The following KCNIP1 variants were observed in gnomAD, a reference collection of about 807,000 sequenced individuals.
The protein encoded by KCNIP1 is A-type potassium channel modulatory protein KCNIP1.
In KCNIP1, 18 loss-of-function variants were observed where a neutral mutation model predicts 33.0. The ratio of observed to expected loss-of-function variants is 0.55; its 90% confidence interval spans 0.38 to 0.81. KCNIP1 has a LOEUF of 0.81. Ranked by LOEUF, KCNIP1 falls within the 30% of genes least tolerant of loss-of-function variation. The pLI is 0.00. For missense variants in KCNIP1, 238 were observed against 271.6 expected, an observed-to-expected ratio of 0.88 and a Z score of 0.87; for synonymous variants, 93 against 98.3, an observed-to-expected ratio of 0.95 and a Z score of 0.32.
rs114324196 is a variant in KCNIP1 at position 170,520,396 on chromosome 5, G to T, written c.61+15763G>T. Among the ~76,000 whole-genome samples the T allele has an allele frequency of 7.1e-3, 1,083 of 152,270 alleles. 17 individuals carry two copies. Among genetic ancestry groups the T allele is most frequent in the African/African-American group, 0.025 (1,052 of 41,548 alleles). On this transcript the variant is annotated intron_variant, in intron 1 of 7. Transcript: ENST00000328939. Reference sequence around the variant, plus strand: ...TAGTATTAGCTCAATCTGACCCTTGGGGAAATTAAGCCCCAGGAAAGCTGT... The same window carrying T: ...TAGTATTAGCTCAATCTGACCCTTGTGGAAATTAAGCCCCAGGAAAGCTGT...
intron 1 of KCNIP1, among the ~76,000 whole-genome samples, chr5:170,572,214 A>C (rs984244231): frequency 1.3e-5 from 2 of 152,226 alleles, no homozygotes; most frequent in Non-Finnish European, 2.9e-5. Context: ...GTAATGTCCC[A>C]ATTTTTAAGA....
intron 1 of KCNIP1, among the ~76,000 whole-genome samples, chr5:170,530,950 T>C (rs945716716): frequency 2.6e-5 from 4 of 152,194 alleles, no homozygotes; most frequent in Admixed American, 2.6e-4. Flanking sequence ...AACATTGTTC[T>C]AGCTGGGGTG....
At chr5:170,388,967 G>A (rs1433850593) in intron 1 of KCNIP1, among the ~76,000 whole-genome samples, 8 of 152,142 alleles carry the variant, frequency 5.3e-5, no homozygotes, top group African/African-American at 1.9e-4. Flanking sequence ...CCTCTCTACC[G>A]GTGACAAGTG....
At chr5:170,457,535 C>T (rs1041705946) in intron 1 of KCNIP1, among the ~76,000 whole-genome samples, 1 of 152,140 alleles carries the variant, frequency 6.6e-6, no homozygotes, top group African/African-American at 2.4e-5. Context: ...ACAGACAACC[C>T]CCAGTACCAG....
chr5:170,638,756 A>G (rs1760400454), intron 1 of KCNIP1, among the ~76,000 whole-genome samples: 1 of 152,134 alleles, frequency 6.6e-6, no homozygotes, highest in East Asian at 1.9e-4. Flanking sequence ...TTCAGCTCCT[A>G]ACAAGTCATG....
chr5:170,700,899 C>T (rs752281968), intron 1 of KCNIP1, among the ~76,000 whole-genome samples: 3 of 152,174 alleles, frequency 2.0e-5, no homozygotes, highest in South Asian at 4.1e-4. Flanking sequence ...CAAATGACCA[C>T]CCCAATATAA....
At chr5:170,535,958 C>T (rs1755969781) in intron 1 of KCNIP1, among the ~76,000 whole-genome samples, 1 of 152,186 alleles carries the variant, frequency 6.6e-6, no homozygotes, top group Non-Finnish European at 1.5e-5. Context: ...AGATGCAGCT[C>T]AGTCTTGCCA....
intron 1 of KCNIP1, among the ~76,000 whole-genome samples, chr5:170,482,319 G>A (rs1313727047): frequency 6.6e-6 from 1 of 152,052 alleles, no homozygotes; most frequent in East Asian, 1.9e-4. Flanking sequence ...TCAAAGAAGG[G>A]TATAATTTTA....
chr5:170,453,443 G>T (rs1756302769), intron 1 of KCNIP1, among the ~76,000 whole-genome samples: 1 of 152,166 alleles, frequency 6.6e-6, no homozygotes, highest in East Asian at 1.9e-4. Context: ...ATTTAGCGGG[G>T]TACCACATTC....
chr5:170,630,371 C>T (rs548432793), intron 1 of KCNIP1, among the ~76,000 whole-genome samples: 1 of 152,334 alleles, frequency 6.6e-6, no homozygotes, highest in African/African-American at 2.4e-5. Context: ...TACTGTGTGC[C>T]AGTGAACAAG....
intron 1 of KCNIP1, among the ~76,000 whole-genome samples, chr5:170,669,210 A>G (rs1581474057): frequency 1.3e-5 from 2 of 152,388 alleles, no homozygotes; most frequent in East Asian, 3.9e-4. Context: ...TAGATAATTC[A>G]GATTACTCTT....
chr5:170,637,960 G>C lies in KCNIP1; in HGVS notation c.62-80798G>C, dbSNP rs142301609. Among the ~76,000 whole-genome samples the C allele has an allele frequency of 1.5e-3, 230 of 149,528 alleles. 1 individual carries two copies. Among genetic ancestry groups the C allele is most frequent in the African/African-American group, 5.3e-3 (217 of 40,808 alleles). ...AGTGGTGTGGGGACTCCAGGGGAAA[G>C]ATTTGTCATTCTCCACCCTCCCAGT... On this transcript the variant is annotated intron_variant, in intron 1 of 7. Coordinates refer to ENST00000328939, the MANE Select transcript of KCNIP1 (RefSeq NM_014592.4).
intron 5 of KCNIP1, among the ~76,000 whole-genome samples, chr5:170,723,146 C>T (rs1416930281): frequency 6.6e-6 from 1 of 152,080 alleles, no homozygotes; most frequent in Non-Finnish European, 1.5e-5. Flanking sequence ...GGTTAGGAGC[C>T]ACAAGTCAAA....
At chr5:170,390,421 G>A (rs1420512097) in intron 1 of KCNIP1, among the ~76,000 whole-genome samples, 1 of 149,672 alleles carries the variant, frequency 6.7e-6, no homozygotes, top group Non-Finnish European at 1.5e-5. Context: ...CAGGAGAATC[G>A]CTTGAACCTG....
chr5:170,621,174 A>G (rs1466949258), intron 1 of KCNIP1, among the ~76,000 whole-genome samples: 1 of 152,218 alleles, frequency 6.6e-6, no homozygotes, highest in Non-Finnish European at 1.5e-5. Flanking sequence ...TGGGGATACT[A>G]AGGGTCACCT....
chr5:170,370,248 TGAA>T (rs1763809284), intron 1 of KCNIP1, among the ~76,000 whole-genome samples: 1 of 152,146 alleles, frequency 6.6e-6, no homozygotes, highest in Admixed American at 6.5e-5. Context: ...CACACTTACT[TGAA>T]GAGAGAACAG....
At chr5:170,471,192 T>C (rs1756716723) in intron 1 of KCNIP1, among the ~76,000 whole-genome samples, 1 of 152,238 alleles carries the variant, frequency 6.6e-6, no homozygotes, top group African/African-American at 2.4e-5. Context: ...AAGAGGGGTC[T>C]GTGCTCCATC....
At chr5:170,468,113 C>T (rs1474798084) in intron 1 of KCNIP1, among the ~76,000 whole-genome samples, 1 of 152,092 alleles carries the variant, frequency 6.6e-6, no homozygotes, top group Non-Finnish European at 1.5e-5. Context: ...TTGACTTTGA[C>T]ATCAGATTCT....
At chr5:170,643,718 G>A (rs528704286) in intron 1 of KCNIP1, among the ~76,000 whole-genome samples, 12 of 152,310 alleles carry the variant, frequency 7.9e-5, no homozygotes, top group East Asian at 5.8e-4. Context: ...TGTCTTCTTC[G>A]CCCTCCATCC....
Sources: allele counts gnomAD v4.1 joint callset (sites outside exome capture counted in the v4.1 genomes callset), GRCh38; gene constraint gnomAD v4.1.1; transcripts MANE v1.5; gene names NCBI Gene and HGNC (gene_info 2026-07-23, HGNC 2026-07-21).